The following SPRR1A variants were observed in gnomAD, a reference collection of about 807,000 sequenced individuals.
SPRR1A encodes the protein cornifin-A.
For synonymous variants in SPRR1A, 40 were observed against 39.2 expected, an observed-to-expected ratio of 1.02 and a Z score of -0.07; for missense variants, 123 against 105.4, an observed-to-expected ratio of 1.17 and a Z score of -0.73.
upstream of SPRR1A, among the ~76,000 whole-genome samples, chr1:152,984,308 G>A (rs917489925): frequency 6.6e-6 from 1 of 152,098 alleles, no homozygotes; most frequent in Non-Finnish European, 1.5e-5. Flanking sequence ...GAGATGGTTA[G>A]GGCTCCCACC....
At chr1:152,985,524 A>G, downstream of SPRR1A, 3 of 1,598,724 alleles carry the variant, frequency 1.9e-6, no homozygotes, top group Non-Finnish European at 2.6e-6. Flanking sequence ...CATGCCCTTG[A>G]GGAGCTGGCC....
At chr1:152,985,345 G>C in exon 1 of SPRR1A, 1 of 1,597,804 alleles carries the variant, frequency 6.3e-7, no homozygotes, top group Non-Finnish European at 8.5e-7. Flanking sequence ...CAAAACCAAG[G>C]AGCCCTGCCA....
upstream of SPRR1A, chr1:152,985,129 G>C: frequency 6.8e-7 from 1 of 1,465,214 alleles, no homozygotes; most frequent in South Asian, 1.4e-5. Flanking sequence ...TCTTCTAAAG[G>C]GTCCTGAAAT....
At chr1:152,985,708 C>T (rs1652298063), downstream of SPRR1A, among the ~76,000 whole-genome samples, 2 of 152,220 alleles carry the variant, frequency 1.3e-5, no homozygotes, top group South Asian at 4.1e-4. Context: ...GAACGTCTCA[C>T]TGACTGAGCT....
chr1:152,985,323 A>T, exon 1 of SPRR1A: 1 of 1,613,832 alleles, frequency 6.2e-7, no homozygotes, highest in Non-Finnish European at 8.5e-7. Context: ...CACCCCAGGA[A>T]CCATGCATCC....
exon 1 of SPRR1A, chr1:152,985,435 G>C (rs775656088): frequency 1.2e-5 from 20 of 1,612,848 alleles, no homozygotes; most frequent in Non-Finnish European, 1.7e-5. Flanking sequence ...CCAGCCCAAG[G>C]TGCCTGAGCC....
chr1:152,985,091 G>A, upstream of SPRR1A: 1 of 1,181,286 alleles, frequency 8.5e-7, no homozygotes, highest in Non-Finnish European at 1.2e-6. Context: ...AAATGTAATG[G>A]GGGAGTTAAG....
chr1:152,985,054 A>G (rs1297197853), upstream of SPRR1A, among the ~76,000 whole-genome samples: 2 of 152,150 alleles, frequency 1.3e-5, no homozygotes, highest in South Asian at 2.1e-4. Flanking sequence ...AAAGGGCCTG[A>G]AAATTATCCA....
At chr1:152,984,251 T>A (rs17883501), upstream of SPRR1A, among the ~76,000 whole-genome samples, 721 of 152,330 alleles carry the variant, frequency 4.7e-3, 7 homozygotes, top group African/African-American at 0.017. Context: ...AATAGTGGAA[T>A]ATCTTTATTT....
chr1:152,985,557 C>T, downstream of SPRR1A: 3 of 1,549,610 alleles, frequency 1.9e-6, no homozygotes, highest in Non-Finnish European at 1.7e-6. Flanking sequence ...ACACCCTACT[C>T]CATTCTGCTT....
chr1:152,984,135 T>C (rs1652233503), upstream of SPRR1A, among the ~76,000 whole-genome samples: 1 of 152,240 alleles, frequency 6.6e-6, no homozygotes, highest in South Asian at 2.1e-4. Context: ...GGTAAGTCTC[T>C]GATTGCAACA....
Position 152,985,387 on chromosome 1 carries a change from G to A in SPRR1A, c.157G>A (p.Val53Met), listed in dbSNP as rs1016906120. 7.0e-6 allele frequency: 11 copies of A among 1,569,916 alleles called. No individual in the cohort carries two copies. The highest frequency in any genetic ancestry group is 6.8e-5 in the Admixed American group (4 of 58,972). The change falls in exon 1 of 1, where the codon GTG becomes ATG. Residue 53 changes from valine to methionine, a missense_variant. Physicochemically the swap from Val to Met is conservative, Grantham distance 21 (BLOSUM62 1). Coordinates refer to ENST00000368762, the Ensembl canonical transcript of SPRR1A. ...GGTGCCTGAGCCCTGCCACCCCAAA[G>A]TGCCTGAGCCCTGCCAGCCCAAGGT...
chr1:152,985,328 G>A, exon 1 of SPRR1A: 1 of 1,613,706 alleles, frequency 6.2e-7, no homozygotes, highest in Non-Finnish European at 8.5e-7. Context: ...CAGGAACCAT[G>A]CATCCCCAAA....
downstream of SPRR1A, among the ~76,000 whole-genome samples, chr1:152,985,766 T>G (rs1248802248): frequency 3.9e-5 from 6 of 152,164 alleles, no homozygotes; most frequent in Non-Finnish European, 7.3e-5. Flanking sequence ...TGGGGAAGGA[T>G]CAAGTGAACC....
Position 152,985,383 on chromosome 1 carries a change from C to A in SPRR1A, c.153C>A (p.Pro51=), listed in dbSNP as rs1611763. ...CCAAGGTGCCTGAGCCCTGCCACCCCAAAGTGCCTGAGCCCTGCCAGCCCA... is the reference window on the plus strand; with the variant it reads ...CCAAGGTGCCTGAGCCCTGCCACCCAAAAGTGCCTGAGCCCTGCCAGCCCA... Residue 51 remains proline (P), a synonymous_variant, in exon 1 of 1, where the codon CCC becomes CCA. Coordinates refer to ENST00000368762, the Ensembl canonical transcript of SPRR1A. 2.7e-3 allele frequency: 4,264 copies of A among 1,573,082 alleles called. 91 individuals carry two copies. In the African/African-American group the frequency reaches 0.051, roughly 19 times the overall value.
chr1:152,985,579 T>C, downstream of SPRR1A: 1 of 1,532,500 alleles, frequency 6.5e-7, no homozygotes. Context: ...TGAATCCCAT[T>C]TGCCTATTGA....
chr1:152,984,892 G>C (rs972882388), upstream of SPRR1A, among the ~76,000 whole-genome samples: 67 of 152,294 alleles, frequency 4.4e-4, no homozygotes, highest in African/African-American at 1.6e-3. Context: ...TTTTCCAAAA[G>C]ACCTAATATG....
downstream of SPRR1A, among the ~76,000 whole-genome samples, chr1:152,985,657 T>C (rs1611767): frequency 0.016 from 2,483 of 152,262 alleles, 70 homozygotes; most frequent in African/African-American, 0.056. Context: ...AGATGTCCCT[T>C]ACCCTCATTC....
At chr1:152,985,116 T>G, upstream of SPRR1A, 3 of 1,417,964 alleles carry the variant, frequency 2.1e-6, no homozygotes, top group Non-Finnish European at 2.9e-6. Flanking sequence ...ATGAAAGGCT[T>G]TCTCTTCTAA....
Sources: allele counts gnomAD v4.1 joint callset (sites outside exome capture counted in the v4.1 genomes callset), GRCh38; gene constraint gnomAD v4.1.1; transcripts MANE v1.5; gene names NCBI Gene and HGNC (gene_info 2026-07-23, HGNC 2026-07-21).